LCNL1: variants seen among roughly 807,000 people sequenced by gnomAD.
LCNL1 encodes the protein lipocalin-like 1 protein.
LCNL1 carries 11 observed loss-of-function variants against 7.9 expected under a neutral mutation model. That is an observed-to-expected ratio of 1.40 (90% CI 0.88 to 2.32). The LOEUF (loss-of-function observed/expected upper bound fraction) is 2.32. Ranked by LOEUF, LCNL1 falls within the 30% of genes most tolerant of loss-of-function variation. The pLI is 0.00. For synonymous variants in LCNL1, 90 were observed against 92.5 expected (o/e 0.97, Z 0.15); for missense variants, 218 against 217.0 (o/e 1.00, Z -0.03).
rs559814426 is a variant in LCNL1 at position 136,983,388 on chromosome 9, G to A, written c.-199G>A. The A allele has an allele frequency of 1.6e-6, 1 of 606,766 alleles. No homozygotes were observed. The highest frequency in any genetic ancestry group is 2.9e-6 in the Non-Finnish European group (1 of 341,368). The allele number at this position is 606,766 out of a possible 1,614,324, so 37.6% of individuals were successfully genotyped here. ...GCCAGCTGCAGACAGGCCGGTGCTG[G>A]GCTGGTGGGGGCCAGTTGCTCATGT... is the stretch of plus-strand genomic sequence containing the variant. On this transcript the variant is annotated 5_prime_UTR_variant, in exon 1 of 3. Coordinates refer to ENST00000408973, the MANE Select transcript of LCNL1 (RefSeq NM_207510.4).
rs1830480173 is a variant in LCNL1 at position 136,984,784 on chromosome 9, C to A, written c.268C>A (p.Arg90=). 1.3e-6 allele frequency: 2 copies of A among 1,572,342 alleles called. No homozygotes were observed. Among genetic ancestry groups the A allele is most frequent in the Middle Eastern group, 1.7e-4 (1 of 5,902 alleles). Residue 90 remains arginine (R), a synonymous_variant, in exon 3 of 3, where the codon CGG becomes AGG. Transcript: ENST00000408973. The part of the protein sequence containing the change: ...QHFALLYLEM[R]KGGLRNQWLQ... ...CTTTGCCTTGCTGTACTTGGAGATG[C>A]GGAAAGGGGGCCTGCGGAACCAGTG... is the stretch of plus-strand genomic sequence containing the variant.
rs749220779 is a variant in LCNL1, at chr9:136,984,782, T to C, written c.266T>C (p.Met89Thr). The change falls in exon 3 of 3, where the codon ATG becomes ACG. Residue 89 changes from methionine (M) to threonine (T), a missense_variant. Physicochemically the swap from Met to Thr is moderately conservative, Grantham distance 81. Coordinates refer to ENST00000408973, the MANE Select transcript of LCNL1 (RefSeq NM_207510.4). ...YQHFALLYLE[M>T]RKGGLRNQWL... ...CACTTTGCCTTGCTGTACTTGGAGA[T>C]GCGGAAAGGGGGCCTGCGGAACCAG... 30 of 1,573,628 alleles carry C rather than the reference T, an allele frequency of 1.9e-5. No individual in the cohort carries two copies. Among genetic ancestry groups the C allele is most frequent in the Non-Finnish European group, 2.3e-5 (27 of 1,156,438 alleles).
intron 1 of LCNL1, chr9:136,984,176 TGTCA>T (rs1194757011): frequency 2.4e-5 from 11 of 452,998 alleles, no homozygotes; most frequent in Admixed American, 1.6e-4. Context: ...TGTGTGTGTC[TGTCA>T]GTGTGTCTGT....
At position 136,984,716 on chromosome 9, in the gene LCNL1, T is replaced by C; in HGVS notation, c.200T>C (p.Met67Thr). 1 of 1,523,588 alleles carries C rather than the reference T, an allele frequency of 6.6e-7. No individual in the cohort carries two copies. The highest frequency in any genetic ancestry group is 8.8e-7 in the Non-Finnish European group (1 of 1,131,740). 94.4% of individuals were successfully genotyped at this position (1,523,588 alleles called of 1,614,324 possible). A position where few individuals can be genotyped will look rare whatever the true frequency, so the allele number is the denominator to read the frequency against. ...AVPGQFSNPA[M>T]ALSDIRVAFS... ...TCAGCGGCTCTCGCTCCTCCAGCCA[T>C]GGCCCTGAGTGACATCCGAGTGGCC... Residue 67 changes from methionine (M) to threonine (T), a missense_variant, in exon 3 of 3, where the codon ATG becomes ACG. Coordinates refer to ENST00000408973, the MANE Select transcript of LCNL1 (RefSeq NM_207510.4).
At position 136,985,558 on chromosome 9, in the gene LCNL1, C is replaced by T. The variant is rs1269117658; in HGVS notation, c.*547C>T. On this transcript the variant is annotated 3_prime_UTR_variant, in exon 3 of 3. Coordinates refer to ENST00000408973, the MANE Select transcript of LCNL1 (RefSeq NM_207510.4). ...ATGGGGCACCCGGGCGGATCCGAGC[C>T]GCAGCAGCCTGGGGAACCGCGGGGC... The T allele has an allele frequency of 6.6e-6, 1 of 152,666 alleles. No homozygotes were observed. The highest frequency in any genetic ancestry group is 1.5e-5 in the Non-Finnish European group (1 of 68,356). The allele number at this position is 152,666 out of a possible 1,614,324, so 9.5% of individuals were successfully genotyped here.
In LCNL1 at chr9:136,985,255, G is replaced by A. The variant is rs1830488678; in HGVS notation, c.*244G>A. ...ATTCGGGACAGAAGTGCCCGGGGCA[G>A]ACCCAGCCTGTCTGGGTCGGGGGAG... is the stretch of plus-strand genomic sequence containing the variant. On this transcript the variant is annotated 3_prime_UTR_variant, in exon 3 of 3. Transcript: ENST00000408973. The A allele has an allele frequency of 1.7e-5, 8 of 472,982 alleles. No individual in the cohort carries two copies. Among genetic ancestry groups the A allele is most frequent in the South Asian group, 3.8e-5 (1 of 26,100 alleles). 29.3% of individuals were successfully genotyped at this position (472,982 alleles called of 1,614,324 possible). A position where few individuals can be genotyped will look rare whatever the true frequency, so the allele number is the denominator to read the frequency against.
chr9:136,985,156 C>A lies in LCNL1; in HGVS notation c.*145C>A, dbSNP rs994591717. 18 of 832,532 alleles carry A rather than the reference C, an allele frequency of 2.2e-5. No homozygotes were observed. Among genetic ancestry groups the A allele is most frequent in the Non-Finnish European group, 2.9e-5 (16 of 547,356 alleles). 51.6% of individuals were successfully genotyped at this position (832,532 alleles called of 1,614,324 possible). On this transcript the variant is annotated 3_prime_UTR_variant, in exon 3 of 3. Transcript: ENST00000408973. ...AAGTCGGGTGAGCGGTGCCGGCAGC[C>A]CTGCTGGGAGGGCCAGGCCCCGGGT...
chr9:136,984,270 G>A (rs965938308), intron 1 of LCNL1: 1 of 503,854 alleles, frequency 2.0e-6, no homozygotes, highest in Non-Finnish European at 3.5e-6. Flanking sequence ...GGGACCTGGA[G>A]GCCCTGCATT....
chr9:136,984,124 C>T (rs897382572), intron 1 of LCNL1: 90 of 403,810 alleles, frequency 2.2e-4, no homozygotes, highest in African/African-American at 1.7e-3. Context: ...CTGTGTCTGG[C>T]TGTGTGTGTC....
At position 136,983,488 on chromosome 9, in the gene LCNL1, G is replaced by C; in HGVS notation, c.-99G>C. The C allele has an allele frequency of 6.7e-7, 1 of 1,482,620 alleles. No homozygotes were observed. Among genetic ancestry groups the C allele is most frequent in the South Asian group, 1.2e-5 (1 of 85,734 alleles). The allele number at this position is 1,482,620 out of a possible 1,614,324, so 91.8% of individuals were successfully genotyped here. A position where few individuals can be genotyped will look rare whatever the true frequency, so the allele number is the denominator to read the frequency against. ...CAGCCCCTGCCGTGGCCAGGAAGCAGCTGTGTCGGGGCAGAATGTGGTGGG... is the reference window on the plus strand; with the variant it reads ...CAGCCCCTGCCGTGGCCAGGAAGCACCTGTGTCGGGGCAGAATGTGGTGGG... On this transcript the variant is annotated 5_prime_UTR_variant, in exon 1 of 3. Coordinates refer to ENST00000408973, the MANE Select transcript of LCNL1 (RefSeq NM_207510.4).
chr9:136,985,027 C>A lies in LCNL1; in HGVS notation c.*16C>A, dbSNP rs1365319206. 2 of 1,468,762 alleles carry A rather than the reference C, an allele frequency of 1.4e-6. No homozygotes were observed. The highest frequency in any genetic ancestry group is 1.8e-6 in the Non-Finnish European group (2 of 1,102,204). The allele number at this position is 1,468,762 out of a possible 1,614,324, so 91.0% of individuals were successfully genotyped here. On this transcript the variant is annotated 3_prime_UTR_variant, in exon 3 of 3. Transcript: ENST00000408973. ...TTCCCTTTAGCTTACCCGCCCTCCC[C>A]ACCTTCAGCTCGAGCGCCCGAGCTG...
chr9:136,985,371 G>A lies in LCNL1; in HGVS notation c.*360G>A. ...GTCCCAGGGAAGGGGGCGCGGGGTG[G>A]CGCCTCAGGCTCGATCTCTCTGCAG... is the stretch of plus-strand genomic sequence containing the variant. On this transcript the variant is annotated 3_prime_UTR_variant, in exon 3 of 3. Transcript: ENST00000408973. 1 of 260,952 alleles carries A rather than the reference G, an allele frequency of 3.8e-6. No individual in the cohort carries two copies. The highest frequency in any genetic ancestry group is 7.3e-6 in the Non-Finnish European group (1 of 137,306). 16.2% of individuals were successfully genotyped at this position (260,952 alleles called of 1,614,324 possible). A position where few individuals can be genotyped will look rare whatever the true frequency, so the allele number is the denominator to read the frequency against.
Position 136,985,149 on chromosome 9 carries a change from C to T in LCNL1, c.*138C>T, listed in dbSNP as rs1251496860. 1 of 888,788 alleles carries T rather than the reference C, an allele frequency of 1.1e-6. No homozygotes were observed. 55.1% of individuals were successfully genotyped at this position (888,788 alleles called of 1,614,324 possible). A position where few individuals can be genotyped will look rare whatever the true frequency, so the allele number is the denominator to read the frequency against. ...GCTGCCGAAGTCGGGTGAGCGGTGC[C>T]GGCAGCCCTGCTGGGAGGGCCAGGC... On this transcript the variant is annotated 3_prime_UTR_variant, in exon 3 of 3. Transcript: ENST00000408973.
chr9:136,984,982 C>G lies in LCNL1; in HGVS notation c.466C>G (p.Leu156Val), dbSNP rs1195959587. 1 of 1,536,742 alleles carries G rather than the reference C, an allele frequency of 6.5e-7. No individual in the cohort carries two copies. The highest frequency in any genetic ancestry group is 1.5e-5 in the African/African-American group (1 of 65,350). Residue 156 changes from leucine (L) to valine (V), a missense_variant, in exon 3 of 3, where the codon CTC (leucine) becomes GTC (valine). Leu to Val is a conservative substitution (Grantham distance 32, BLOSUM62 1). Coordinates refer to ENST00000408973, the MANE Select transcript of LCNL1 (RefSeq NM_207510.4). Reference sequence around the variant, plus strand: ...GGCCCCTCCCTGCCCCTCTCTCCCTCTCTTCGCCCCTCCAGCCCCTTCCCT... The same window carrying G: ...GGCCCCTCCCTGCCCCTCTCTCCCTGTCTTCGCCCCTCCAGCCCCTTCCCT... ...VPAPPCPSLP[L>V]FAPPAPSL
Position 136,984,863 on chromosome 9 carries a change from TC to T in LCNL1, c.348del (p.Phe116LeufsTer93). ...GGGCGGAGACCCAGACACCCCCGCT[TC>T]GGGTCTGGGATGTCACCCCTGTGCC... ...AAGRRPRHPR[F>X]GSGMSPLCLH... is the part of the protein sequence containing the mutation. On this transcript the variant is annotated frameshift_variant, in exon 3 of 3. Coordinates refer to ENST00000408973, the MANE Select transcript of LCNL1 (RefSeq NM_207510.4). LOFTEE classifies it low-confidence loss of function (END_TRUNC). 1.9e-6 allele frequency: 3 copies of T among 1,561,390 alleles called. No individual in the cohort carries two copies. The highest frequency in any genetic ancestry group is 2.6e-6 in the Non-Finnish European group (3 of 1,152,592).
rs1830463305 is a variant in LCNL1, at chr9:136,983,382, G to A, written c.-205G>A. On this transcript the variant is annotated 5_prime_UTR_variant, in exon 1 of 3. It adds an upstream start codon to the 5' untranslated region. Transcript: ENST00000408973. ...CTGGGTGCCAGCTGCAGACAGGCCG[G>A]TGCTGGGCTGGTGGGGGCCAGTTGC... The A allele has an allele frequency of 6.8e-6, 4 of 588,382 alleles. No homozygotes were observed. Among genetic ancestry groups the A allele is most frequent in the Middle Eastern group, 2.7e-4 (1 of 3,732 alleles). The allele number at this position is 588,382 out of a possible 1,614,324, so 36.4% of individuals were successfully genotyped here. A position where few individuals can be genotyped will look rare whatever the true frequency, so the allele number is the denominator to read the frequency against.
In LCNL1 at chr9:136,985,105, GC is replaced by G; in HGVS notation, c.*98del. On this transcript the variant is annotated 3_prime_UTR_variant, in exon 3 of 3. Transcript: ENST00000408973. ...CTACTGGCGCCCCAAGTGGGCCTGA[GC>G]CCCAGCCAGGGCGTCCTGCTGCCGA... 7.9e-7 allele frequency: 1 copy of G among 1,270,530 alleles called. No individual in the cohort carries two copies. Among genetic ancestry groups the G allele is most frequent in the Non-Finnish European group, 1.1e-6 (1 of 940,682 alleles). 78.7% of individuals were successfully genotyped at this position (1,270,530 alleles called of 1,614,324 possible). A position where few individuals can be genotyped will look rare whatever the true frequency, so the allele number is the denominator to read the frequency against.
In LCNL1 at chr9:136,985,172, G is replaced by C; in HGVS notation, c.*161G>C. On this transcript the variant is annotated 3_prime_UTR_variant, in exon 3 of 3. Transcript: ENST00000408973. Reference sequence around the variant, plus strand: ...GCCGGCAGCCCTGCTGGGAGGGCCAGGCCCCGGGTCACACCCCTGCTGGAA... The same window carrying C: ...GCCGGCAGCCCTGCTGGGAGGGCCACGCCCCGGGTCACACCCCTGCTGGAA... The C allele has an allele frequency of 1.4e-6, 1 of 700,812 alleles. No homozygotes were observed. Among genetic ancestry groups the C allele is most frequent in the Non-Finnish European group, 2.3e-6 (1 of 429,818 alleles). The allele number at this position is 700,812 out of a possible 1,614,324, so 43.4% of individuals were successfully genotyped here. A position where few individuals can be genotyped will look rare whatever the true frequency, so the allele number is the denominator to read the frequency against.
chr9:136,985,082 ACTGGCG>A lies in LCNL1; in HGVS notation c.*73_*78del. 2.9e-6 allele frequency: 4 copies of A among 1,368,730 alleles called. No individual in the cohort carries two copies. Among genetic ancestry groups the A allele is most frequent in the East Asian group, 2.7e-5 (1 of 37,594 alleles). 84.8% of individuals were successfully genotyped at this position (1,368,730 alleles called of 1,614,324 possible). A position where few individuals can be genotyped will look rare whatever the true frequency, so the allele number is the denominator to read the frequency against. On this transcript the variant is annotated 3_prime_UTR_variant, in exon 3 of 3. Transcript: ENST00000408973. Reference sequence around the variant, plus strand: ...CCGAAGGCGCCCAGAAGATGCAGCTACTGGCGCCCCAAGTGGGCCTGAGCCCCAGCC... The same window carrying A: ...CCGAAGGCGCCCAGAAGATGCAGCTACCCCAAGTGGGCCTGAGCCCCAGCC...
Sources: gnomAD v4.1 joint callset for allele counts on GRCh38, gnomAD v4.1.1 for gene constraint, MANE v1.5 for transcripts, NCBI Gene and HGNC (gene_info 2026-07-23, HGNC 2026-07-21) for gene names.